ADRA1B: variants seen among roughly 807,000 people sequenced by gnomAD.
The protein encoded by ADRA1B is adrenoceptor alpha 1B, also known as alpha-1B adrenergic receptor.
ADRA1B carries 17 observed loss-of-function variants against 17.9 expected under a neutral mutation model. That is an observed-to-expected ratio of 0.95 (90% CI 0.65 to 1.42). ADRA1B has a LOEUF of 1.42. ADRA1B is among the 40% of genes most tolerant of loss of function. The pLI is 0.00. For synonymous variants in ADRA1B, 366 were observed against 327.6 expected, an observed-to-expected ratio of 1.12 and a Z score of -1.27; for missense variants, 681 against 722.1, an observed-to-expected ratio of 0.94 and a Z score of 0.65.
At chr5:159,934,085 A>G (rs1754884356) in intron 1 of ADRA1B, among the ~76,000 whole-genome samples, 2 of 152,256 alleles carry the variant, frequency 1.3e-5, no homozygotes, top group Non-Finnish European at 1.5e-5. Context: ...CCACTCAAGA[A>G]GCAAGGAGCT....
chr5:159,893,430 A>G (rs1047895705), intron 1 of ADRA1B, among the ~76,000 whole-genome samples: 19 of 152,178 alleles, frequency 1.2e-4, no homozygotes, highest in African/African-American at 4.6e-4. Context: ...GAGAATGGAG[A>G]GGCAGCTTGG....
At chr5:159,964,932 C>T (rs1452173249) in intron 1 of ADRA1B, among the ~76,000 whole-genome samples, 1 of 152,176 alleles carries the variant, frequency 6.6e-6, no homozygotes, top group African/African-American at 2.4e-5. Flanking sequence ...CAAGCCTGAG[C>T]TCACCTCATC....
At chr5:159,923,017 C>T (rs567067255) in intron 1 of ADRA1B, among the ~76,000 whole-genome samples, 26 of 152,332 alleles carry the variant, frequency 1.7e-4, no homozygotes, top group Middle Eastern at 3.4e-3. Context: ...GAACCCTCAA[C>T]GGTTTGGAGA....
chr5:159,988,925 G>A, the ADRA1B span, among the ~76,000 whole-genome samples: 3 of 152,202 alleles, frequency 2.0e-5, no homozygotes, highest in East Asian at 1.9e-4. Context: ...GGCCATTTGG[G>A]CTGCTTTCTA....
At chr5:159,902,937 T>G (rs1294947896) in intron 1 of ADRA1B, among the ~76,000 whole-genome samples, 2 of 152,188 alleles carry the variant, frequency 1.3e-5, no homozygotes, top group African/African-American at 4.8e-5. Flanking sequence ...CATACAGGAA[T>G]CAGACACTGT....
At chr5:159,907,218 C>T (rs1297076933) in intron 1 of ADRA1B, among the ~76,000 whole-genome samples, 1 of 152,180 alleles carries the variant, frequency 6.6e-6, no homozygotes. Flanking sequence ...CACCCCATTC[C>T]CCAAGCTCAC....
chr5:159,879,461 A>G (rs1227942957), intron 1 of ADRA1B, among the ~76,000 whole-genome samples: 3 of 152,204 alleles, frequency 2.0e-5, no homozygotes, highest in African/African-American at 7.2e-5. Context: ...TCCAGCAGCC[A>G]GGACTATAAA....
upstream of ADRA1B, among the ~76,000 whole-genome samples, chr5:159,911,784 C>T (rs907155534): frequency 6.6e-6 from 1 of 152,162 alleles, no homozygotes; most frequent in African/African-American, 2.4e-5. Context: ...GCATCTCATC[C>T]TCCCACCAGG....
intron 1 of ADRA1B, among the ~76,000 whole-genome samples, chr5:159,926,139 T>G (rs565986462): frequency 6.6e-6 from 1 of 152,210 alleles, no homozygotes; most frequent in East Asian, 1.9e-4. Flanking sequence ...GTAAAATTAT[T>G]TGCCACTTCC....
At chr5:159,914,665 C>T (rs565356383), upstream of ADRA1B, among the ~76,000 whole-genome samples, 40 of 152,204 alleles carry the variant, frequency 2.6e-4, no homozygotes, top group African/African-American at 7.7e-4. Context: ...ACCTTCGATA[C>T]GTGTATGATA....
rs1479555504 is a variant in ADRA1B at position 159,972,536 on chromosome 5, TG to T, written c.*51del. ...TCTTTCCCTGGGGAGGAAAACATCG[TG>T]GGGGGGAGGGGAGGGCGGGGCGGAG... On this transcript the variant is annotated 3_prime_UTR_variant, in exon 2 of 2. Coordinates refer to ENST00000306675, the MANE Select transcript of ADRA1B (RefSeq NM_000679.4). The T allele has an allele frequency of 7.6e-4, 22 of 29,118 alleles. No homozygotes were observed. The highest frequency in any genetic ancestry group is 2.1e-3 in the African/African-American group (4 of 1,936). The allele number at this position is 29,118 out of a possible 1,614,324, so 1.8% of individuals were successfully genotyped here.
In ADRA1B at chr5:159,917,858, A is replaced by T; in HGVS notation, c.949+4A>T. On this transcript the variant is annotated splice_donor_region_variant and intron_variant, in intron 1 of 1. Coordinates refer to ENST00000306675, the MANE Select transcript of ADRA1B (RefSeq NM_000679.4). ...TTCTTCATCGCTCTACCGCTTGGTAAGTTGGGGACTAGCAGCAGGGGGACT... is the reference window on the plus strand; with the variant it reads ...TTCTTCATCGCTCTACCGCTTGGTATGTTGGGGACTAGCAGCAGGGGGACT... The T allele has an allele frequency of 6.3e-7, 1 of 1,591,712 alleles. No individual in the cohort carries two copies. Among genetic ancestry groups the T allele is most frequent in the East Asian group, 2.2e-5 (1 of 44,770 alleles).
intron 1 of ADRA1B, among the ~76,000 whole-genome samples, chr5:159,921,739 A>C (rs1010242523): frequency 2.0e-5 from 3 of 152,230 alleles, no homozygotes; most frequent in African/African-American, 7.2e-5. Context: ...TTTGTTCTCC[A>C]TAGTATTGGA....
intron 1 of ADRA1B, among the ~76,000 whole-genome samples, chr5:159,877,517 AAAC>A (rs1439493015): frequency 6.6e-6 from 1 of 152,160 alleles, no homozygotes; most frequent in African/African-American, 2.4e-5. Flanking sequence ...GCCTCCTTCT[AAAC>A]ACTTTCATAT....
chr5:159,957,953 GAAAAGAA>G (rs1290914079), intron 1 of ADRA1B, among the ~76,000 whole-genome samples: 194 of 94,276 alleles, frequency 2.1e-3, no homozygotes, highest in African/African-American at 6.8e-3. Flanking sequence ...AAAAAAAAAA[GAAAAGAA>G]AAAAGAAAAG....
chr5:159,946,170 C>G (rs973073698), intron 1 of ADRA1B, among the ~76,000 whole-genome samples: 1 of 152,220 alleles, frequency 6.6e-6, no homozygotes, highest in Admixed American at 6.5e-5. Flanking sequence ...TGGTAACTTT[C>G]GATTGCATTC....
chr5:159,945,364 A>G (rs1307704021), intron 1 of ADRA1B, among the ~76,000 whole-genome samples: 5 of 152,214 alleles, frequency 3.3e-5, no homozygotes, highest in Non-Finnish European at 7.3e-5. Context: ...AAATTAATAA[A>G]TAAATAAAAA....
chr5:159,933,725 A>C (rs1295926649), intron 1 of ADRA1B, among the ~76,000 whole-genome samples: 1 of 152,268 alleles, frequency 6.6e-6, no homozygotes, highest in Non-Finnish European at 1.5e-5. Context: ...CACAGCGTAT[A>C]AACAGATTTG....
At chr5:159,923,655 G>A (rs1252520086) in intron 1 of ADRA1B, among the ~76,000 whole-genome samples, 1 of 152,256 alleles carries the variant, frequency 6.6e-6, no homozygotes, top group Non-Finnish European at 1.5e-5. Context: ...CATAAGTCAA[G>A]TAGACAGAAT....
Sources: gnomAD v4.1 joint callset for allele counts (sites outside exome capture counted in the v4.1 genomes callset) on GRCh38, gnomAD v4.1.1 for gene constraint, MANE v1.5 for transcripts, NCBI Gene and HGNC (gene_info 2026-07-23, HGNC 2026-07-21) for gene names.